Variants in GRIP1 observed in about 807,000 individuals in gnomAD.
GRIP1 encodes glutamate receptor-interacting protein 1.
A neutral mutation model predicts 129.9 loss-of-function variants in GRIP1; 45 were observed. That is an observed-to-expected ratio of 0.35 (90% CI 0.27 to 0.44). The LOEUF (loss-of-function observed/expected upper bound fraction) is 0.44, where lower values mean the gene tolerates loss of function less well. Among genes scored for constraint, GRIP1 ranks in the 20% least tolerant of loss-of-function variants. The probability of loss-of-function intolerance (pLI) is 1.00; values close to 1 mark genes in which losing one functional copy is unlikely to be tolerated. For missense variants in GRIP1, 1,196 were observed against 1,396.8 expected (o/e 0.86, Z 2.29); for synonymous variants, 530 against 520.8 (o/e 1.02, Z -0.24).
At chr12:66,816,484 C>G (rs904578728) in intron 1 of GRIP1, among the ~76,000 whole-genome samples, 4 of 152,112 alleles carry the variant, frequency 2.6e-5, no homozygotes, top group African/African-American at 9.7e-5. Flanking sequence ...AGTAAGGTAA[C>G]CATAATAATC....
chr12:66,378,768 G>A (rs1286669540), intron 20 of GRIP1, among the ~76,000 whole-genome samples: 1 of 151,622 alleles, frequency 6.6e-6, no homozygotes, highest in Non-Finnish European at 1.5e-5. Flanking sequence ...AAAAATAAAA[G>A]TAATACAATA....
intron 1 of GRIP1, among the ~76,000 whole-genome samples, chr12:67,007,756 A>T (rs958741346): frequency 6.6e-6 from 1 of 152,204 alleles, no homozygotes; most frequent in African/African-American, 2.4e-5. Flanking sequence ...CAGTCTTGCC[A>T]CACAAATCAA....
chr12:66,378,953 T>TA (rs1031287006), intron 20 of GRIP1, among the ~76,000 whole-genome samples: 6 of 151,172 alleles, frequency 4.0e-5, no homozygotes, highest in Non-Finnish European at 8.9e-5. Context: ...TCTCAAAAAA[T>TA]AAAAAAATAA....
intron 1 of GRIP1, among the ~76,000 whole-genome samples, chr12:66,611,025 CA>C (rs780437029): frequency 2.6e-5 from 4 of 151,958 alleles, no homozygotes; most frequent in Non-Finnish European, 5.9e-5. Context: ...ACAAGCTTAA[CA>C]AAAAACATTT....
intron 1 of GRIP1, among the ~76,000 whole-genome samples, chr12:66,687,205 A>G (rs928523451): frequency 1.3e-5 from 2 of 152,328 alleles, no homozygotes; most frequent in Non-Finnish European, 2.9e-5. Context: ...TATTAACATA[A>G]TTATCTTTTC....
intron 1 of GRIP1, among the ~76,000 whole-genome samples, chr12:66,936,841 A>T (rs866261488): frequency 3.3e-5 from 5 of 152,330 alleles, no homozygotes; most frequent in Middle Eastern, 3.4e-3. Context: ...GAACAAAAAA[A>T]TGGCAGGCCT....
intron 1 of GRIP1, among the ~76,000 whole-genome samples, chr12:66,856,726 G>A (rs2040011697): frequency 6.6e-6 from 1 of 151,524 alleles, no homozygotes; most frequent in Non-Finnish European, 1.5e-5. Context: ...GGAAACAACA[G>A]GTGCTGGAGA....
At chr12:66,984,156 G>C (rs771930991) in intron 1 of GRIP1, among the ~76,000 whole-genome samples, 1 of 152,148 alleles carries the variant, frequency 6.6e-6, no homozygotes, top group African/African-American at 2.4e-5. Flanking sequence ...CATAAGCAAA[G>C]AGGAATACAT....
chr12:66,576,764 G>GAAATA (rs2139559694), intron 2 of GRIP1, among the ~76,000 whole-genome samples: 1 of 152,292 alleles, frequency 6.6e-6, no homozygotes, highest in South Asian at 2.1e-4. Context: ...GAATATAAGA[G>GAAATA]AAATAAATGT....
At chr12:66,824,371 T>A (rs555403786) in intron 1 of GRIP1, among the ~76,000 whole-genome samples, 1 of 152,224 alleles carries the variant, frequency 6.6e-6, no homozygotes, top group Admixed American at 6.5e-5. Context: ...ACACTAGGAC[T>A]GCCTCATATG....
At chr12:66,549,957 G>GAT (rs1478742671) in intron 2 of GRIP1, among the ~76,000 whole-genome samples, 1 of 152,138 alleles carries the variant, frequency 6.6e-6, no homozygotes, top group Non-Finnish European at 1.5e-5. Flanking sequence ...GAAGATATGT[G>GAT]ATATATGGGT....
intron 4 of GRIP1, among the ~76,000 whole-genome samples, chr12:66,535,373 C>A (rs1237631802): frequency 2.0e-5 from 3 of 148,990 alleles, no homozygotes; most frequent in East Asian, 2.0e-4. Flanking sequence ...AAAAAAAAAA[C>A]ACAGTACTTT....
intron 1 of GRIP1, among the ~76,000 whole-genome samples, chr12:66,787,981 T>A (rs2038407861): frequency 6.6e-6 from 1 of 152,080 alleles, no homozygotes; most frequent in Non-Finnish European, 1.5e-5. Flanking sequence ...TTCATATGAT[T>A]TAGATTTTGG....
intron 1 of GRIP1, among the ~76,000 whole-genome samples, chr12:66,951,122 T>C (rs2041749931): frequency 6.6e-6 from 1 of 152,210 alleles, no homozygotes; most frequent in Admixed American, 6.5e-5. Context: ...CTTAATCAAA[T>C]AAACTTATAA....
At chr12:66,992,368 G>T in intron 1 of GRIP1, among the ~76,000 whole-genome samples, 1 of 99,198 alleles carries the variant, frequency 1.0e-5, no homozygotes, top group Non-Finnish European at 2.0e-5. Flanking sequence ...CAATGTGAAG[G>T]TTTAGAAAAA....
In GRIP1 at chr12:66,679,001, G is replaced by A. The variant is rs1274556475; in HGVS notation, c.-97C>T. The A allele has an allele frequency of 1.0e-5, 16 of 1,596,910 alleles. No homozygotes were observed. The Admixed American group carries it at 1.9e-4, about 19-fold the overall frequency. On this transcript the variant is annotated 5_prime_UTR_variant, in exon 1 of 25. Coordinates refer to ENST00000359742, the MANE Select transcript of GRIP1 (RefSeq NM_001366722.1). ...TATGAATTCCTTGCGCACATACCAG[G>A]AGAAAGGTAGTCCCAGTGGGGAGTG... is the stretch of plus-strand genomic sequence containing the variant.
intron 1 of GRIP1, among the ~76,000 whole-genome samples, chr12:66,796,257 A>G (rs1228200212): frequency 6.6e-6 from 1 of 152,112 alleles, no homozygotes; most frequent in African/African-American, 2.4e-5. Flanking sequence ...CTTTATGATT[A>G]GGCCTGGTTT....
chr12:66,679,825 C>T (rs2034514833), upstream of GRIP1, among the ~76,000 whole-genome samples: 1 of 152,176 alleles, frequency 6.6e-6, no homozygotes, highest in Non-Finnish European at 1.5e-5. Flanking sequence ...AACCATTCTT[C>T]TCATTATGCA....
intron 1 of GRIP1, among the ~76,000 whole-genome samples, chr12:67,017,752 A>G (rs1004079415): frequency 1.3e-5 from 2 of 152,200 alleles, no homozygotes; most frequent in African/African-American, 4.8e-5. Context: ...AGCCAAAGAC[A>G]GAGGCAGGGA....
Sources: allele counts gnomAD v4.1 joint callset (sites outside exome capture counted in the v4.1 genomes callset), GRCh38; gene constraint gnomAD v4.1.1; transcripts MANE v1.5; gene names NCBI Gene and HGNC (gene_info 2026-07-23, HGNC 2026-07-21).